Variants in ATP11B observed in about 807,000 individuals in gnomAD.
ATP11B encodes the protein ATPase phospholipid transporting 11B (putative).
In ATP11B, 81 loss-of-function variants were observed where a neutral mutation model predicts 157.8. The ratio of observed to expected loss-of-function variants is 0.51; its 90% CI spans 0.43 to 0.62. The LOEUF is 0.62. Ranked by LOEUF, ATP11B falls within the 20% of genes least tolerant of loss-of-function variation. The pLI, the probability that ATP11B is intolerant of heterozygous loss-of-function variation, is 0.00. For synonymous variants in ATP11B, 451 were observed against 469.4 expected, an observed-to-expected ratio of 0.96 and a Z score of 0.51; for missense variants, 1,165 against 1,402.2, an observed-to-expected ratio of 0.83 and a Z score of 2.70.
chr3:182,837,012 T>A, intron 6 of ATP11B, 59 bp from the exon 7 acceptor site: 1 of 1,205,540 alleles, frequency 8.3e-7, no homozygotes, highest in Non-Finnish European at 1.2e-6. Flanking sequence ...TTGAAATAAC[T>A]GATATTGAAG....
At chr3:182,806,811 T>C (rs545004620) in intron 1 of ATP11B, among the ~76,000 whole-genome samples, 1 of 152,288 alleles carries the variant, frequency 6.6e-6, no homozygotes, top group African/African-American at 2.4e-5. Context: ...CCCAGCTTTT[T>C]CCAGGCTTCT....
intron 28 of ATP11B, among the ~76,000 whole-genome samples, chr3:182,908,026 G>A (rs1724494402): frequency 6.6e-6 from 1 of 151,838 alleles, no homozygotes; most frequent in Admixed American, 6.6e-5. Flanking sequence ...TTTTTCACAG[G>A]TATTAATTTC....
intron 1 of ATP11B, among the ~76,000 whole-genome samples, chr3:182,797,794 T>G (rs1715723656): frequency 6.6e-6 from 1 of 152,226 alleles, no homozygotes; most frequent in Admixed American, 6.5e-5. Context: ...CATATATAGG[T>G]AAAGTAAAAT....
At chr3:182,881,567 T>G (rs1443151078) in intron 21 of ATP11B, among the ~76,000 whole-genome samples, 1 of 152,044 alleles carries the variant, frequency 6.6e-6, no homozygotes, top group Non-Finnish European at 1.5e-5. Context: ...CTTCCTATAA[T>G]TAAGCCCACT....
chr3:182,827,642 AC>A, intron 2 of ATP11B, among the ~76,000 whole-genome samples: 2 of 151,842 alleles, frequency 1.3e-5, no homozygotes, highest in South Asian at 4.2e-4. Context: ...TATTTCTTTA[AC>A]ATTCTAGGTT....
chr3:182,851,816 A>T lies in ATP11B; in HGVS notation c.851+3259A>T, dbSNP rs150133338. Among the ~76,000 whole-genome samples, 146 of 152,350 alleles carry T rather than the reference A, an allele frequency of 9.6e-4. 1 individual carries two copies. The highest frequency in any genetic ancestry group is 1.6e-3 in the Non-Finnish European group (110 of 68,026). ...GAAATTTGACCAAAAATTACATGAG[A>T]TATAAATGCATCAAACAGTCTAATG... On this transcript the variant is annotated intron_variant, in intron 10 of 29. Transcript: ENST00000323116.
Position 182,918,812 on chromosome 3 carries a change from T to TACATACAAACTTAGCTACATACTGAGG in ATP11B, c.*708_*709insACATACAAACTTAGCTACATACTGAGG. The stretch of plus-strand genomic sequence containing the variant: ...ATATACAAATCAGGAATCAGGTCCG[T>TACATACAAACTTAGCTACATACTGAGG]TCACCGAACTTCAAATTGATGTTTA... On this transcript the variant is annotated 3_prime_UTR_variant, in exon 30 of 30. Coordinates refer to ENST00000323116, the MANE Select transcript of ATP11B (RefSeq NM_014616.3). The TACATACAAACTTAGCTACATACTGAGG allele has an allele frequency of 6.5e-6, 1 of 154,956 alleles. No homozygotes were observed. The highest frequency in any genetic ancestry group is 2.1e-4 in the South Asian group (1 of 4,850). 9.6% of individuals were successfully genotyped at this position (154,956 alleles called of 1,614,324 possible). A position where few individuals can be genotyped will look rare whatever the true frequency, so the allele number is the denominator to read the frequency against.
intron 2 of ATP11B, 28 bp from the exon 3 acceptor site, chr3:182,828,092 A>G (rs1717847783): frequency 9.3e-7 from 1 of 1,080,730 alleles, no homozygotes; most frequent in Admixed American, 2.6e-5. Context: ...ATTTTTAAAT[A>G]TTAATTTATT....
At chr3:182,808,688 A>G (rs1223058526) in intron 1 of ATP11B, among the ~76,000 whole-genome samples, 2 of 152,156 alleles carry the variant, frequency 1.3e-5, no homozygotes, top group African/African-American at 4.8e-5. Flanking sequence ...GCATAAATTT[A>G]TAGATGTCCT....
At chr3:182,904,904 AAAAAAAAAG>A (rs1279069570) in intron 28 of ATP11B, among the ~76,000 whole-genome samples, 11 of 145,346 alleles carry the variant, frequency 7.6e-5, no homozygotes, top group Non-Finnish European at 1.3e-4. Flanking sequence ...AAAAAAAAAA[AAAAAAAAAG>A]GATTAATTCA....
chr3:182,848,099 A>G (rs189588279), intron 9 of ATP11B, among the ~76,000 whole-genome samples: 18 of 152,348 alleles, frequency 1.2e-4, no homozygotes, highest in African/African-American at 4.3e-4. Context: ...CCATTGTCCC[A>G]ACCTAACAGA....
chr3:182,842,214 C>A, intron 8 of ATP11B, 92 bp downstream of exon 8: 1 of 895,080 alleles, frequency 1.1e-6, no homozygotes, highest in Non-Finnish European at 1.8e-6. Flanking sequence ...TGTAAATAAG[C>A]AGCCCATCAT....
At chr3:182,915,617 T>C in intron 29 of ATP11B, 9 of 968,666 alleles carry the variant, frequency 9.3e-6, no homozygotes, top group Non-Finnish European at 1.1e-5. Context: ...TTGTTAATGA[T>C]TTTTTTAAAA....
intron 29 of ATP11B, chr3:182,914,460 G>T: frequency 1.0e-6 from 1 of 985,036 alleles, no homozygotes; most frequent in Non-Finnish European, 1.2e-6. Context: ...GTTATTTGAG[G>T]CTTTGAGGTA....
At chr3:182,911,278 C>CCCCA (rs999574948) in intron 28 of ATP11B, among the ~76,000 whole-genome samples, 1 of 124,682 alleles carries the variant, frequency 8.0e-6, no homozygotes, top group Non-Finnish European at 1.6e-5. Context: ...AATGCCCCCC[C>CCCCA]CCGCTAAGTC....
In ATP11B at chr3:182,866,421, G is replaced by C. The variant is rs750203215; in HGVS notation, c.1597G>C (p.Ala533Pro). 1.2e-6 allele frequency: 2 copies of C among 1,608,106 alleles called. No individual in the cohort carries two copies. Among genetic ancestry groups the C allele is most frequent in the East Asian group, 4.5e-5 (2 of 44,752 alleles). The change falls in exon 14 of 30, where the codon GCT becomes CCT. Residue 533 changes from alanine (A) to proline (P), a missense_variant. Transcript: ENST00000323116. ...CTATGCATCTTCACCAGATGAAAAGGCTCTAGTAGAAGCTGCTGCAAGGTA... is the reference window on the plus strand; with the variant it reads ...CTATGCATCTTCACCAGATGAAAAGCCTCTAGTAGAAGCTGCTGCAAGGTA... ...EYYASSPDEK[A>P]LVEAAARIGI...
At chr3:182,795,155 C>T (rs1715526296) in intron 1 of ATP11B, among the ~76,000 whole-genome samples, 1 of 150,972 alleles carries the variant, frequency 6.6e-6, no homozygotes, top group Non-Finnish European at 1.5e-5. Context: ...GGAAACCAAG[C>T]TAATGATGTC....
intron 1 of ATP11B, among the ~76,000 whole-genome samples, chr3:182,819,950 A>G (rs562180031): frequency 6.6e-6 from 1 of 152,272 alleles, no homozygotes; most frequent in South Asian, 2.1e-4. Flanking sequence ...AGTATTTCTG[A>G]CAGAGAATGA....
chr3:182,920,620 C>G lies in ATP11B; in HGVS notation c.*2516C>G, dbSNP rs1007467968. 1 of 152,208 alleles carries G rather than the reference C, an allele frequency of 6.6e-6. No individual in the cohort carries two copies. The highest frequency in any genetic ancestry group is 2.4e-5 in the African/African-American group (1 of 41,456). The allele number at this position is 152,208 out of a possible 1,614,324, so 9.4% of individuals were successfully genotyped here. The stretch of plus-strand genomic sequence containing the variant: ...AGTGGTCTCAAATCGATTTGCCTCC[C>G]TTTGCCTCGTCTGAGGGCTGTAAGC... On this transcript the variant is annotated 3_prime_UTR_variant, in exon 30 of 30. Coordinates refer to ENST00000323116, the MANE Select transcript of ATP11B (RefSeq NM_014616.3).
Sources: allele counts gnomAD v4.1 joint callset (sites outside exome capture counted in the v4.1 genomes callset), GRCh38; gene constraint gnomAD v4.1.1; transcripts MANE v1.5; gene names NCBI Gene and HGNC (gene_info 2026-07-23, HGNC 2026-07-21).